The following ZNF740 variants were observed in gnomAD, a reference collection of about 807,000 sequenced individuals.
The protein encoded by ZNF740 is zinc finger protein 740.
In ZNF740, 14 loss-of-function variants were observed where a neutral mutation model predicts 24.8. The observed-to-expected ratio is 0.56, with a 90% CI of 0.37 to 0.88. The LOEUF (loss-of-function observed/expected upper bound fraction) is 0.88. Ranked by LOEUF, ZNF740 falls within the 40% of genes least tolerant of loss-of-function variation. The pLI, the probability that ZNF740 is intolerant of heterozygous loss-of-function variation, is 0.00. For synonymous variants in ZNF740, 69 were observed against 84.0 expected, an observed-to-expected ratio of 0.82 and a Z score of 0.98; for missense variants, 201 against 247.9, an observed-to-expected ratio of 0.81 and a Z score of 1.27.
In ZNF740 at chr12:53,194,529, A is replaced by G. The variant is rs1942089314; in HGVS notation, c.*6939A>G. On this transcript the variant is annotated 3_prime_UTR_variant, in exon 7 of 7. Coordinates refer to ENST00000416904, the MANE Select transcript of ZNF740 (RefSeq NM_001004304.4). ...CCCGTGAGAACCTTGCATAGAACATACAGGATCCAGAGGCCTCTAATACAG... is the reference window on the plus strand; with the variant it reads ...CCCGTGAGAACCTTGCATAGAACATGCAGGATCCAGAGGCCTCTAATACAG... 1 of 583,580 alleles carries G rather than the reference A, an allele frequency of 1.7e-6. No individual in the cohort carries two copies. The highest frequency in any genetic ancestry group is 3.0e-5 in the Admixed American group (1 of 33,326). The allele number at this position is 583,580 out of a possible 1,614,324, so 36.2% of individuals were successfully genotyped here.
chr12:53,187,794 G>T lies in ZNF740; in HGVS notation c.*204G>T. 1 of 559,218 alleles carries T rather than the reference G, an allele frequency of 1.8e-6. No homozygotes were observed. Among genetic ancestry groups the T allele is most frequent in the Non-Finnish European group, 3.2e-6 (1 of 310,742 alleles). 34.6% of individuals were successfully genotyped at this position (559,218 alleles called of 1,614,324 possible). The stretch of plus-strand genomic sequence containing the variant: ...TAATCTGAGACTATGAGTATCTCGG[G>T]GAAGTTCTTACAGCATTCCTGGGTA... On this transcript the variant is annotated 3_prime_UTR_variant, in exon 7 of 7. Coordinates refer to ENST00000416904, the MANE Select transcript of ZNF740 (RefSeq NM_001004304.4).
At position 53,188,698 on chromosome 12, in the gene ZNF740, C is replaced by G. The variant is rs1941871381; in HGVS notation, c.*1108C>G. ...GGTAGGGAGGGGTCTGTCCTTTGGT[C>G]CCAAAAAACAAGATCTCGGCTTGCT... is the stretch of plus-strand genomic sequence containing the variant. On this transcript the variant is annotated 3_prime_UTR_variant, in exon 7 of 7. Coordinates refer to ENST00000416904, the MANE Select transcript of ZNF740 (RefSeq NM_001004304.4). 6.6e-6 allele frequency: 1 copy of G among 152,142 alleles called. No homozygotes were observed. Among genetic ancestry groups the G allele is most frequent in the Non-Finnish European group, 1.5e-5 (1 of 68,048 alleles). 9.4% of individuals were successfully genotyped at this position (152,142 alleles called of 1,614,324 possible).
In ZNF740 at chr12:53,181,847, A is replaced by G. The variant is rs1316337228; in HGVS notation, c.-137A>G. ...AAGTTCTATTTGAAGACAAAGTTCA[A>G]TATGGCAACAGGACTGATGGGACAC... On this transcript the variant is annotated 5_prime_UTR_variant, in exon 2 of 7. Coordinates refer to ENST00000416904, the MANE Select transcript of ZNF740 (RefSeq NM_001004304.4). The G allele has an allele frequency of 4.5e-6, 5 of 1,105,904 alleles. No homozygotes were observed. Among genetic ancestry groups the G allele is most frequent in the African/African-American group, 3.2e-5 (2 of 63,028 alleles). The allele number at this position is 1,105,904 out of a possible 1,614,324, so 68.5% of individuals were successfully genotyped here.
At position 53,187,568 on chromosome 12, in the gene ZNF740, C is replaced by G. The variant is rs1941847859; in HGVS notation, c.560C>G (p.Ser187Cys). The G allele has an allele frequency of 6.2e-7, 1 of 1,613,998 alleles. No individual in the cohort carries two copies. The highest frequency in any genetic ancestry group is 2.2e-5 in the East Asian group (1 of 44,892). Residue 187 changes from serine (S) to cysteine (C), a missense_variant, in exon 7 of 7, where the codon TCC (serine) becomes TGC (cysteine). Ser to Cys is a moderately radical substitution (Grantham distance 112). Around this residue, in one of 3 missense-constraint regions of ZNF740, gnomAD observed 24 missense variants for 17.8 expected, o/e 1.35. Transcript: ENST00000416904. ...RMCQGCQSKT[S>C]DGQFSL ...TGCCAAGGGTGCCAGTCCAAGACTT[C>G]CGACGGGCAGTTTTCTCTATAGGCG...
Position 53,191,866 on chromosome 12 carries a change from C to T in ZNF740, c.*4276C>T, listed in dbSNP as rs1406439267. On this transcript the variant is annotated 3_prime_UTR_variant, in exon 7 of 7. Coordinates refer to ENST00000416904, the MANE Select transcript of ZNF740 (RefSeq NM_001004304.4). Reference sequence around the variant, plus strand: ...ACCAGGAAGTCTCCTCACCTGCTTCCAGTTGAGTTGTTGCTGCTCCTTCTC... The same window carrying T: ...ACCAGGAAGTCTCCTCACCTGCTTCTAGTTGAGTTGTTGCTGCTCCTTCTC... 1.2e-6 allele frequency: 2 copies of T among 1,613,544 alleles called. No homozygotes were observed. The highest frequency in any genetic ancestry group is 1.3e-5 in the African/African-American group (1 of 74,990).
chr12:53,183,583 C>T (rs1459143524), intron 2 of ZNF740, among the ~76,000 whole-genome samples: 1 of 152,064 alleles, frequency 6.6e-6, no homozygotes, highest in Admixed American at 6.5e-5. Context: ...TTTACTTAAA[C>T]ATACCTTACT....
In ZNF740 at chr12:53,184,972, A is replaced by G. The variant is rs1432199265; in HGVS notation, c.91A>G (p.Ile31Val). 2 of 1,613,920 alleles carry G rather than the reference A, an allele frequency of 1.2e-6. No homozygotes were observed. The highest frequency in any genetic ancestry group is 3.3e-5 in the Admixed American group (2 of 60,002). Residue 31 changes from isoleucine (I) to valine (V), a missense_variant, in exon 3 of 7, where the codon ATT becomes GTT. By Grantham distance (29) the Ile-to-Val change is conservative. Transcript: ENST00000416904. ...CAGCAAGAAGATGATGCTGAGCCAG[A>G]TTGCCAGCAAGCAGGCCGAGAATGG... ...AASKKMMLSQ[I>V]ASKQAENGER...
chr12:53,182,193 A>G (rs1429515203), intron 2 of ZNF740: 1 of 664,236 alleles, frequency 1.5e-6, no homozygotes, highest in East Asian at 2.8e-5. Flanking sequence ...TGAAGGAGGT[A>G]GGCTATACTG....
chr12:53,182,084 C>T, intron 2 of ZNF740, 92 bp downstream of exon 2: 1 of 1,515,616 alleles, frequency 6.6e-7, no homozygotes. Context: ...TATTGACCAA[C>T]CCCAGTGATC....
intron 5 of ZNF740, 118 bp downstream of exon 5, chr12:53,186,195 G>A: frequency 7.3e-7 from 1 of 1,371,300 alleles, no homozygotes; most frequent in South Asian, 1.4e-5. Context: ...GAAGGAAGAA[G>A]ATAAGTCAAT....
chr12:53,181,408 C>T (rs902469154), intron 1 of ZNF740: 7 of 985,370 alleles, frequency 7.1e-6, no homozygotes, highest in Non-Finnish European at 8.4e-6. Context: ...CCGCCCCCTT[C>T]TTCCATTCCT....
intron 3 of ZNF740, among the ~76,000 whole-genome samples, 172 bp downstream of exon 3, chr12:53,185,212 T>C (rs1165236739): frequency 6.6e-6 from 1 of 152,218 alleles, no homozygotes; most frequent in African/African-American, 2.4e-5. Flanking sequence ...AGGTCTTTTG[T>C]GTGCCTTCAA....
At position 53,192,358 on chromosome 12, in the gene ZNF740, C is replaced by T. The variant is rs768198931; in HGVS notation, c.*4768C>T. On this transcript the variant is annotated 3_prime_UTR_variant, in exon 7 of 7. Transcript: ENST00000416904. The stretch of plus-strand genomic sequence containing the variant: ...CTTGGGGTCTCACTCTGAGCACGAC[C>T]GTGCCTCTGGCGTCATCCTCCACCA... 30 of 1,614,014 alleles carry T rather than the reference C, an allele frequency of 1.9e-5. No individual in the cohort carries two copies. In the Admixed American group the frequency reaches 3.0e-4, roughly 16 times the overall value.
rs1013404676 is a variant in ZNF740 at position 53,188,827 on chromosome 12, T to C, written c.*1237T>C. On this transcript the variant is annotated 3_prime_UTR_variant, in exon 7 of 7. Coordinates refer to ENST00000416904, the MANE Select transcript of ZNF740 (RefSeq NM_001004304.4). ...CTAATGTAGGTTCCATTCTTAACCA[T>C]ATTCTTTGCTCCTCTCTGCTCCAAT... The C allele has an allele frequency of 6.6e-6, 1 of 152,186 alleles. No homozygotes were observed. The highest frequency in any genetic ancestry group is 2.4e-5 in the African/African-American group (1 of 41,428). The allele number at this position is 152,186 out of a possible 1,614,324, so 9.4% of individuals were successfully genotyped here. A position where few individuals can be genotyped will look rare whatever the true frequency, so the allele number is the denominator to read the frequency against.
In ZNF740 at chr12:53,187,830, T is replaced by C; in HGVS notation, c.*240T>C. The C allele has an allele frequency of 2.0e-6, 1 of 512,418 alleles. No homozygotes were observed. Among genetic ancestry groups the C allele is most frequent in the Non-Finnish European group, 3.6e-6 (1 of 281,548 alleles). The allele number at this position is 512,418 out of a possible 1,614,324, so 31.7% of individuals were successfully genotyped here. ...CAGCATTCCTGGGTAGGGGAGCTAG[T>C]CCCTGGACCCTTGGCTGAGGTCATA... is the stretch of plus-strand genomic sequence containing the variant. On this transcript the variant is annotated 3_prime_UTR_variant, in exon 7 of 7. Transcript: ENST00000416904.
Position 53,194,479 on chromosome 12 carries a change from A to T in ZNF740, c.*6889A>T. 1.2e-6 allele frequency: 1 copy of T among 819,610 alleles called. No individual in the cohort carries two copies. The highest frequency in any genetic ancestry group is 1.9e-6 in the Non-Finnish European group (1 of 517,382). 50.8% of individuals were successfully genotyped at this position (819,610 alleles called of 1,614,324 possible). Reference sequence around the variant, plus strand: ...ACCTGGGGCTCCTTCCATTCTGCCCAGTCGAGGCATTTCTGGAGGGAGGAC... The same window carrying T: ...ACCTGGGGCTCCTTCCATTCTGCCCTGTCGAGGCATTTCTGGAGGGAGGAC... On this transcript the variant is annotated 3_prime_UTR_variant, in exon 7 of 7. Coordinates refer to ENST00000416904, the MANE Select transcript of ZNF740 (RefSeq NM_001004304.4).
rs746153606 is a variant in ZNF740 at position 53,194,379 on chromosome 12, G to A, written c.*6789G>A. 1.2e-6 allele frequency: 2 copies of A among 1,609,506 alleles called. No individual in the cohort carries two copies. Among genetic ancestry groups the A allele is most frequent in the Non-Finnish European group, 1.7e-6 (2 of 1,177,338 alleles). On this transcript the variant is annotated 3_prime_UTR_variant, in exon 7 of 7. Transcript: ENST00000416904. The stretch of plus-strand genomic sequence containing the variant: ...GAGAGCGAGTGGATAACCACGTGAA[G>A]GCAGAAAAGGACTCCAACCCCACCT...
Position 53,190,046 on chromosome 12 carries a change from T to A in ZNF740, c.*2456T>A, listed in dbSNP as rs1310012547. On this transcript the variant is annotated 3_prime_UTR_variant, in exon 7 of 7. Transcript: ENST00000416904. The stretch of plus-strand genomic sequence containing the variant: ...CCTGGGTGGGTGGGAGGGAGGGAAC[T>A]TCAGAGAGTATGTGCGAACAGCCAT... 1 of 152,100 alleles carries A rather than the reference T, an allele frequency of 6.6e-6. No individual in the cohort carries two copies. Among genetic ancestry groups the A allele is most frequent in the Non-Finnish European group, 1.5e-5 (1 of 68,096 alleles). 9.4% of individuals were successfully genotyped at this position (152,100 alleles called of 1,614,324 possible). A position where few individuals can be genotyped will look rare whatever the true frequency, so the allele number is the denominator to read the frequency against.
At chr12:53,185,576 C>T in intron 4 of ZNF740, 100 bp downstream of exon 4, 2 of 1,108,782 alleles carry the variant, frequency 1.8e-6, no homozygotes, top group South Asian at 1.4e-5. Context: ...TCCCTAGATG[C>T]TTTGATCTCT....
Sources: allele counts gnomAD v4.1 joint callset (sites outside exome capture counted in the v4.1 genomes callset), GRCh38; gene constraint gnomAD v4.1.1; regional missense constraint gnomAD v4.1.1; transcripts MANE v1.5; gene names NCBI Gene and HGNC (gene_info 2026-07-23, HGNC 2026-07-21).